RGS8: variants seen among roughly 807,000 people sequenced by gnomAD.
The protein encoded by RGS8 is regulator of G protein signaling 8.
RGS8 carries 8 observed loss-of-function variants against 21.7 expected under a neutral mutation model. The observed-to-expected ratio is 0.37, with a 90% CI of 0.22 to 0.66. RGS8 has a LOEUF of 0.66. RGS8 is among the 30% of genes least tolerant of loss of function. RGS8 has a pLI of 0.59. For missense variants in RGS8, 157 were observed against 217.9 expected (o/e 0.72, Z 1.76); for synonymous variants, 80 against 83.6 (o/e 0.96, Z 0.24).
chr1:182,684,137 AC>A lies in RGS8; in HGVS notation n.221+218del, dbSNP rs1664631028. Among the ~76,000 whole-genome samples, 1 of 152,226 alleles carries A rather than the reference AC, an allele frequency of 6.6e-6. No individual in the cohort carries two copies. The highest frequency in any genetic ancestry group is 1.5e-5 in the Non-Finnish European group (1 of 68,040). On this transcript the variant is annotated intron_variant and non_coding_transcript_variant, in intron 1 of 4. Transcript: ENST00000515211. This position sits in a 1 kb window ranked among gnomAD's most constrained non-coding sequence, Gnocchi z 4.2. The stretch of plus-strand genomic sequence containing the variant: ...GACATTTGAGGCTTAGCACCTGCTA[AC>A]TGGGAAGAACAGGCATATTTCTACA...
At chr1:182,667,720 C>T (rs1663941503) in intron 3 of RGS8, among the ~76,000 whole-genome samples, 1 of 152,156 alleles carries the variant, frequency 6.6e-6, no homozygotes, top group Non-Finnish European at 1.5e-5. Flanking sequence ...TTCCAAAGGA[C>T]CTATATAATG....
the RGS8 span, among the ~76,000 whole-genome samples, chr1:182,726,978 G>T: frequency 6.6e-6 from 1 of 152,048 alleles, no homozygotes; most frequent in Non-Finnish European, 1.5e-5. Flanking sequence ...ATGTACACCC[G>T]CCACAGGTTG....
the RGS8 span, among the ~76,000 whole-genome samples, chr1:182,715,195 TC>T: frequency 6.6e-6 from 1 of 152,214 alleles, no homozygotes; most frequent in Non-Finnish European, 1.5e-5. Context: ...TTTGGCTTAT[TC>T]AGCAGCTCAG....
the RGS8 span, among the ~76,000 whole-genome samples, chr1:182,739,969 ACC>A: frequency 6.6e-6 from 1 of 151,942 alleles, no homozygotes; most frequent in Non-Finnish European, 1.5e-5. Flanking sequence ...AGCTCCCAAC[ACC>A]CAACCCCCAA....
At chr1:182,714,530 G>A in the RGS8 span, 1 of 152,146 alleles carries the variant, frequency 6.6e-6, no homozygotes, top group Non-Finnish European at 1.5e-5. Flanking sequence ...AAACCGTATG[G>A]TCCTGGAAGA....
chr1:182,646,892 T>G, exon 7 of RGS8: 1 of 1,613,992 alleles, frequency 6.2e-7, no homozygotes. Context: ...CCTCGTGGCT[T>G]CTCGGGTCTG....
At chr1:182,710,756 C>T in the RGS8 span, among the ~76,000 whole-genome samples, 1 of 152,132 alleles carries the variant, frequency 6.6e-6, no homozygotes, top group Non-Finnish European at 1.5e-5. Context: ...ATGAAAAGTG[C>T]TTAACACAGT....
At chr1:182,649,732 C>A (rs768527041) in intron 5 of RGS8, among the ~76,000 whole-genome samples, 89 of 152,230 alleles carry the variant, frequency 5.8e-4, no homozygotes, top group Non-Finnish European at 5.0e-4. Context: ...GTTATTTCAA[C>A]CTCAACACAC....
At chr1:182,722,841 G>A in the RGS8 span, among the ~76,000 whole-genome samples, 1 of 152,064 alleles carries the variant, frequency 6.6e-6, no homozygotes, top group Admixed American at 6.6e-5. Flanking sequence ...AGCCGGGCTT[G>A]GTTGCGGGCG....
the RGS8 span, among the ~76,000 whole-genome samples, chr1:182,748,611 T>C: frequency 1.3e-5 from 2 of 152,216 alleles, no homozygotes; most frequent in African/African-American, 2.4e-5. Flanking sequence ...TTTCTTTGGA[T>C]ATATACCCAG....
chr1:182,656,264 C>T (rs1663272585), intron 5 of RGS8, among the ~76,000 whole-genome samples: 1 of 152,164 alleles, frequency 6.6e-6, no homozygotes, highest in Non-Finnish European at 1.5e-5. Context: ...AGCTGGCAGG[C>T]CTCCAAAGGA....
At chr1:182,659,416 T>C (rs1663471820) in intron 5 of RGS8, among the ~76,000 whole-genome samples, 1 of 152,200 alleles carries the variant, frequency 6.6e-6, no homozygotes, top group Admixed American at 6.5e-5. Context: ...TTATAAAACA[T>C]GTAGCCGGGC....
At chr1:182,724,201 G>GGT in the RGS8 span, among the ~76,000 whole-genome samples, 1 of 42,082 alleles carries the variant, frequency 2.4e-5, no homozygotes, top group Non-Finnish European at 4.8e-5. Context: ...GGCTAGACTG[G>GGT]ATATATATAT....
At chr1:182,702,087 C>A in the RGS8 span, among the ~76,000 whole-genome samples, 2 of 152,040 alleles carry the variant, frequency 1.3e-5, no homozygotes, top group Non-Finnish European at 2.9e-5. Context: ...TGGGTATATA[C>A]CTAAAGGAAA....
chr1:182,709,990 C>G, the RGS8 span, among the ~76,000 whole-genome samples: 924 of 152,228 alleles, frequency 6.1e-3, 12 homozygotes, highest in African/African-American at 0.021. Context: ...CAACTCCAAT[C>G]ATTTTTCCAT....
chr1:182,717,283 G>A, the RGS8 span, among the ~76,000 whole-genome samples: 2 of 152,216 alleles, frequency 1.3e-5, no homozygotes, highest in Admixed American at 1.3e-4. Flanking sequence ...AACCTCAACA[G>A]AAGGAGAAAA....
chr1:182,709,409 A>G, the RGS8 span, among the ~76,000 whole-genome samples: 1 of 152,136 alleles, frequency 6.6e-6, no homozygotes, highest in Non-Finnish European at 1.5e-5. Flanking sequence ...TCAAACCAGA[A>G]TACTCTTGAC....
chr1:182,700,577 C>T, the RGS8 span, among the ~76,000 whole-genome samples: 1 of 152,232 alleles, frequency 6.6e-6, no homozygotes, highest in Non-Finnish European at 1.5e-5. Context: ...GGTGCATCTT[C>T]CGTCTTCTAA....
the RGS8 span, among the ~76,000 whole-genome samples, chr1:182,735,442 G>C: frequency 2.6e-5 from 4 of 152,192 alleles, no homozygotes; most frequent in Non-Finnish European, 5.9e-5. Context: ...AGAATTTGAA[G>C]ACCAATGCTT....
Sources: gnomAD v4.1 joint callset for allele counts (sites outside exome capture counted in the v4.1 genomes callset) on GRCh38, gnomAD v4.1.1 for gene constraint, Gnocchi (gnomAD v3.1) non-coding constraint, MANE v1.5 for transcripts, NCBI Gene and HGNC (gene_info 2026-07-23, HGNC 2026-07-21) for gene names.